Variants in EFL1 observed in about 807,000 individuals in gnomAD.
The protein encoded by EFL1 is elongation factor-like GTPase 1.
EFL1 carries 76 observed loss-of-function variants against 126.7 expected under a neutral mutation model. That is an observed-to-expected ratio of 0.60 (90% CI 0.50 to 0.73). The LOEUF (loss-of-function observed/expected upper bound fraction) is 0.73. EFL1 is among the 30% of genes least tolerant of loss of function. The pLI is 0.00. For missense variants in EFL1, 1,128 were observed against 1,343.2 expected (o/e 0.84, Z 2.50); for synonymous variants, 410 against 448.4 (o/e 0.91, Z 1.08).
At chr15:82,149,158 C>T (rs1315475532) in intron 18 of EFL1, among the ~76,000 whole-genome samples, 1 of 151,948 alleles carries the variant, frequency 6.6e-6, no homozygotes, top group Admixed American at 6.5e-5. Flanking sequence ...ACTTCTTTTT[C>T]TTGCCATTAA....
chr15:82,150,827 G>A (rs1333010226), intron 18 of EFL1, among the ~76,000 whole-genome samples: 4 of 152,100 alleles, frequency 2.6e-5, no homozygotes, highest in African/African-American at 7.2e-5. Context: ...AACAACTTTG[G>A]TTACCCAGAC....
intron 14 of EFL1, 86 bp from the exon 15 acceptor site, chr15:82,214,941 T>C: frequency 7.2e-7 from 1 of 1,389,538 alleles, no homozygotes; most frequent in Non-Finnish European, 9.7e-7. Flanking sequence ...TATTCATCAG[T>C]AAGATATGGT....
intron 15 of EFL1, among the ~76,000 whole-genome samples, chr15:82,211,545 T>TACACACAC (rs2074586135): frequency 1.5e-5 from 1 of 66,478 alleles, no homozygotes; most frequent in Non-Finnish European, 3.0e-5. Context: ...AAAAAAAATC[T>TACACACAC]ATATACACAC....
At chr15:82,210,740 T>C (rs1369945059) in intron 15 of EFL1, among the ~76,000 whole-genome samples, 3 of 151,694 alleles carry the variant, frequency 2.0e-5, no homozygotes, top group Non-Finnish European at 2.9e-5. Flanking sequence ...TGGTTGCTTG[T>C]AATCGCAGCT....
At chr15:82,202,296 A>T (rs1469204558) in intron 15 of EFL1, among the ~76,000 whole-genome samples, 2 of 148,852 alleles carry the variant, frequency 1.3e-5, no homozygotes, top group Middle Eastern at 3.4e-3. Context: ...TTAGTAGCCT[A>T]CTTAAATTCT....
At chr15:82,219,508 A>G (rs766599607) in intron 14 of EFL1, 144 bp downstream of exon 14, 5 of 905,714 alleles carry the variant, frequency 5.5e-6, no homozygotes, top group Non-Finnish European at 8.2e-6. Context: ...TCAAAGCAAC[A>G]CAAAAGGATA....
chr15:82,158,055 C>T (rs2073985755), intron 16 of EFL1, among the ~76,000 whole-genome samples, 195 bp from the exon 17 acceptor site: 2 of 152,096 alleles, frequency 1.3e-5, no homozygotes, highest in Non-Finnish European at 2.9e-5. Context: ...GCAAACATGA[C>T]ACATCCGCAA....
At chr15:82,168,095 C>G (rs2074097641) in intron 15 of EFL1, among the ~76,000 whole-genome samples, 1 of 152,024 alleles carries the variant, frequency 6.6e-6, no homozygotes, top group Admixed American at 6.6e-5. Context: ...TCTAGAGAAC[C>G]CTTAGTTTTG....
rs1331324730 is a variant in EFL1 at position 82,138,718 on chromosome 15, A to G, written c.3114T>C (p.Asp1038=). 1 of 1,614,064 alleles carries G rather than the reference A, an allele frequency of 6.2e-7. No homozygotes were observed. Among genetic ancestry groups the G allele is most frequent in the South Asian group, 1.1e-5 (1 of 91,076 alleles). The part of the protein sequence containing the change: ...LPVAESFGFA[D]EIRKRTSGLA... ...GGCCACTTGTCCTCTTCCTGATTTC[A>G]TCAGCAAAACCAAAGCTTTCAGCAA... is the stretch of plus-strand genomic sequence containing the variant. The change falls in exon 19 of 20, where the codon GAT becomes GAC. Residue 1038 remains aspartate, a synonymous_variant. Transcript: ENST00000268206.
intron 15 of EFL1, among the ~76,000 whole-genome samples, chr15:82,202,706 A>C (rs1355639837): frequency 6.6e-6 from 1 of 152,176 alleles, no homozygotes; most frequent in Non-Finnish European, 1.5e-5. Context: ...AACCCAAAAT[A>C]TTCTATTTCC....
chr15:82,220,602 G>A (rs2074701546), intron 12 of EFL1, among the ~76,000 whole-genome samples: 2 of 152,192 alleles, frequency 1.3e-5, no homozygotes, highest in South Asian at 2.1e-4. Flanking sequence ...ACAAGCATAA[G>A]GCCTCAATAA....
intron 14 of EFL1, among the ~76,000 whole-genome samples, chr15:82,216,550 A>G (rs1325647490): frequency 1.3e-5 from 2 of 152,190 alleles, no homozygotes; most frequent in Non-Finnish European, 2.9e-5. Context: ...AAACAGACCT[A>G]TGTACATAGG....
intron 2 of EFL1, among the ~76,000 whole-genome samples, chr15:82,261,470 A>G (rs895644440): frequency 6.6e-6 from 1 of 152,248 alleles, no homozygotes; most frequent in Non-Finnish European, 1.5e-5. Context: ...ACAACATGAC[A>G]TAATATATAG....
chr15:82,138,389 T>C (rs945928701), intron 19 of EFL1, among the ~76,000 whole-genome samples: 1 of 150,980 alleles, frequency 6.6e-6, no homozygotes, highest in South Asian at 2.1e-4. Context: ...AAATTTTATA[T>C]TGAATAAAAA....
chr15:82,217,051 C>T (rs2074654876), intron 14 of EFL1, among the ~76,000 whole-genome samples: 1 of 151,922 alleles, frequency 6.6e-6, no homozygotes, highest in African/African-American at 2.4e-5. Flanking sequence ...CACGAGAACA[C>T]AAGATTGACC....
chr15:82,159,672 A>C (rs2141237711), intron 16 of EFL1, among the ~76,000 whole-genome samples: 1 of 152,330 alleles, frequency 6.6e-6, no homozygotes, highest in Non-Finnish European at 1.5e-5. Context: ...TAGTTCAATA[A>C]AGATATAAGA....
intron 15 of EFL1, among the ~76,000 whole-genome samples, chr15:82,197,060 A>G (rs894391792): frequency 6.6e-6 from 1 of 152,012 alleles, no homozygotes; most frequent in Admixed American, 6.6e-5. Flanking sequence ...TTGTGGCATC[A>G]TTGTTAGTAT....
intron 15 of EFL1, among the ~76,000 whole-genome samples, chr15:82,204,052 G>C (rs1350383284): frequency 6.6e-6 from 1 of 152,056 alleles, no homozygotes; most frequent in Non-Finnish European, 1.5e-5. Flanking sequence ...CTCCATATCT[G>C]TAACACAGAA....
intron 4 of EFL1, among the ~76,000 whole-genome samples, chr15:82,244,056 C>T (rs2074949271): frequency 6.6e-6 from 1 of 152,064 alleles, no homozygotes; most frequent in Non-Finnish European, 1.5e-5. Flanking sequence ...GGAGGAAATG[C>T]CATGGTCAGT....
Sources: allele counts gnomAD v4.1 joint callset (sites outside exome capture counted in the v4.1 genomes callset), GRCh38; gene constraint gnomAD v4.1.1; transcripts MANE v1.5; gene names NCBI Gene and HGNC (gene_info 2026-07-23, HGNC 2026-07-21).